EFR3B: variants seen among roughly 807,000 people sequenced by gnomAD.
The protein encoded by EFR3B is protein EFR3 homolog B.
In EFR3B, 64 loss-of-function variants were observed where a neutral mutation model predicts 104.7. The ratio of observed to expected loss-of-function variants is 0.61; its 90% CI spans 0.50 to 0.75. EFR3B has a LOEUF of 0.75. Ranked by LOEUF, EFR3B falls within the 30% of genes least tolerant of loss-of-function variation. The probability of loss-of-function intolerance (pLI) is 0.00; values close to 1 mark genes in which losing one functional copy is unlikely to be tolerated. For missense variants in EFR3B, 750 were observed against 1,078.5 expected, an observed-to-expected ratio of 0.70 and a Z score of 4.27; for synonymous variants, 385 against 417.9, an observed-to-expected ratio of 0.92 and a Z score of 0.96.
chr2:25,074,523 C>A lies in EFR3B; in HGVS notation c.8-16802C>A, dbSNP rs180701353. On this transcript the variant is annotated intron_variant, in intron 1 of 22. Transcript: ENST00000403714. Reference sequence around the variant, plus strand: ...GAGGTTGCAGTGAGCCAAGTTTGCGCCACTGCACTCCAGTCTGAGTGACAG... The same window carrying A: ...GAGGTTGCAGTGAGCCAAGTTTGCGACACTGCACTCCAGTCTGAGTGACAG... Among the ~76,000 whole-genome samples, 285 of 151,340 alleles carry A rather than the reference C, an allele frequency of 1.9e-3. 1 individual carries two copies. Among genetic ancestry groups the A allele is most frequent in the African/African-American group, 6.4e-3 (265 of 41,302 alleles).
intron 18 of EFR3B, 28 bp from the exon 19 acceptor site, chr2:25,144,932 T>TAA: frequency 6.5e-7 from 1 of 1,547,924 alleles, no homozygotes; most frequent in South Asian, 1.2e-5. Flanking sequence ...GGCTGGGAAC[T>TAA]AAAGCCTCTG....
intron 4 of EFR3B, among the ~76,000 whole-genome samples, chr2:25,113,199 C>A (rs1669768638): frequency 6.6e-6 from 1 of 152,082 alleles, no homozygotes; most frequent in Admixed American, 6.6e-5. Context: ...GCTATGGCGA[C>A]TTTCCTCATC....
intron 1 of EFR3B, chr2:25,057,916 A>T (rs953294823): frequency 6.6e-6 from 1 of 152,212 alleles, no homozygotes; most frequent in Non-Finnish European, 1.5e-5. Flanking sequence ...AATATCCTGG[A>T]TAATAGGTTA....
intron 1 of EFR3B, among the ~76,000 whole-genome samples, chr2:25,069,407 G>A (rs544373279): frequency 6.6e-6 from 1 of 152,290 alleles, no homozygotes; most frequent in East Asian, 1.9e-4. Context: ...TACTAATGTA[G>A]GCTAGGCGAC....
At chr2:25,072,258 C>T (rs1194860270) in intron 1 of EFR3B, among the ~76,000 whole-genome samples, 1 of 94,306 alleles carries the variant, frequency 1.1e-5, no homozygotes, top group African/African-American at 4.4e-5. Context: ...CCCCACCACC[C>T]TGGCTCCAGC....
intron 21 of EFR3B, among the ~76,000 whole-genome samples, chr2:25,153,480 G>A (rs1375851639): frequency 6.6e-6 from 1 of 152,190 alleles, no homozygotes; most frequent in Non-Finnish European, 1.5e-5. Flanking sequence ...CCTCCCTGGT[G>A]ATTCTGAGCC....
chr2:25,128,154 C>T (rs993797400), intron 5 of EFR3B, 29 bp from the exon 6 acceptor site: 9 of 1,550,978 alleles, frequency 5.8e-6, no homozygotes, highest in East Asian at 4.9e-5. Flanking sequence ...AGAGGACTTC[C>T]GAGTCCCACT....
rs1441601134 is a variant in EFR3B at position 25,144,866 on chromosome 2, A to G, written c.2051-94A>G. 5 of 1,116,058 alleles carry G rather than the reference A, an allele frequency of 4.5e-6. No homozygotes were observed. The East Asian group carries it at 1.0e-4, about 23-fold the overall frequency. 69.1% of individuals were successfully genotyped at this position (1,116,058 alleles called of 1,614,324 possible). The stretch of plus-strand genomic sequence containing the variant: ...CTGAGCCTTAGAGGACTGTGGACCA[A>G]GCAAAGGCAGAGGGGTAGGGAGGTG... On this transcript the variant is annotated intron_variant, in intron 18 of 22. Transcript: ENST00000403714.
rs543922754 is a variant in EFR3B at position 25,056,073 on chromosome 2, T to A, written c.7+13754T>A. ...CTATACCTACATAGCAGCCGGTGTT[T>A]CCAGGGTATCAATGAGCATGGGCTA... On this transcript the variant is annotated intron_variant, in intron 1 of 22. Transcript: ENST00000403714. Among the ~76,000 whole-genome samples the A allele has an allele frequency of 3.3e-5, 5 of 152,338 alleles. No homozygotes were observed. The East Asian group carries it at 9.6e-4, about 29-fold the overall frequency.
At chr2:25,054,908 T>G (rs1172874447) in intron 1 of EFR3B, among the ~76,000 whole-genome samples, 1 of 152,210 alleles carries the variant, frequency 6.6e-6, no homozygotes, top group African/African-American at 2.4e-5. Context: ...CTCTCATCTC[T>G]GCACTGGAAA....
rs549064830 is a variant in EFR3B at position 25,054,040 on chromosome 2, T to A, written c.7+11721T>A. Among the ~76,000 whole-genome samples, 18 of 152,318 alleles carry A rather than the reference T, an allele frequency of 1.2e-4. No individual in the cohort carries two copies. The East Asian group carries it at 3.5e-3, about 29-fold the overall frequency. On this transcript the variant is annotated intron_variant, in intron 1 of 22. Coordinates refer to ENST00000403714, the MANE Select transcript of EFR3B (RefSeq NM_014971.2). ...TGGTGCAGGCCCAGTCCTGCGCAGATCCCTTATCCCTAGACAGCAAAGCTG... is the reference window on the plus strand; with the variant it reads ...TGGTGCAGGCCCAGTCCTGCGCAGAACCCTTATCCCTAGACAGCAAAGCTG...
chr2:25,054,069 A>G (rs905426319), intron 1 of EFR3B, among the ~76,000 whole-genome samples: 7 of 152,346 alleles, frequency 4.6e-5, no homozygotes, highest in African/African-American at 1.7e-4. Flanking sequence ...AAAGCTGTGC[A>G]GTCCATGGGT....
At chr2:25,060,686 C>T (rs574630922) in intron 1 of EFR3B, among the ~76,000 whole-genome samples, 56 of 151,708 alleles carry the variant, frequency 3.7e-4, no homozygotes, top group Admixed American at 1.3e-3. Context: ...TTTGGGAGGC[C>T]GAGGTGGGTG....
chr2:25,064,597 T>C (rs1668281613), intron 1 of EFR3B, among the ~76,000 whole-genome samples: 1 of 152,178 alleles, frequency 6.6e-6, no homozygotes, highest in Non-Finnish European at 1.5e-5. Flanking sequence ...TTTGAGAGTA[T>C]GAGTTATTTA....
intron 1 of EFR3B, among the ~76,000 whole-genome samples, chr2:25,044,287 A>T (rs1274762156): frequency 1.3e-5 from 2 of 152,094 alleles, no homozygotes; most frequent in Admixed American, 6.5e-5. Flanking sequence ...TGATCTTAGG[A>T]GGTGTGGGAG....
chr2:25,089,213 C>A (rs1669045050), intron 1 of EFR3B, among the ~76,000 whole-genome samples: 1 of 151,944 alleles, frequency 6.6e-6, no homozygotes, highest in African/African-American at 2.4e-5. Flanking sequence ...CTCAGGGAAC[C>A]CTCTCCAGCC....
Position 25,130,888 on chromosome 2 carries a change from C to G in EFR3B, c.849+258C>G, listed in dbSNP as rs1470612644. Among the ~76,000 whole-genome samples, 1 of 152,204 alleles carries G rather than the reference C, an allele frequency of 6.6e-6. No homozygotes were observed. The highest frequency in any genetic ancestry group is 1.5e-5 in the Non-Finnish European group (1 of 68,030). ...TTAAATAAAAAACTCATGCAAAATG[C>G]AAGCCTACAGATCACACCCTTGGCT... is the stretch of plus-strand genomic sequence containing the variant. On this transcript the variant is annotated intron_variant, in intron 8 of 22. Coordinates refer to ENST00000403714, the MANE Select transcript of EFR3B (RefSeq NM_014971.2). This position sits in a 1 kb window ranked among gnomAD's most constrained non-coding sequence, Gnocchi z 4.6.
chr2:25,153,363 A>G (rs1225589305), intron 21 of EFR3B, among the ~76,000 whole-genome samples: 7 of 152,036 alleles, frequency 4.6e-5, no homozygotes, highest in African/African-American at 9.7e-5. Context: ...CAATTAAAAA[A>G]AAGAAAAGAA....
rs1558577812 is a variant in EFR3B at position 25,042,491 on chromosome 2, A to G, written c.7+172A>G. 3.3e-6 allele frequency: 4 copies of G among 1,205,286 alleles called. No individual in the cohort carries two copies. The highest frequency in any genetic ancestry group is 4.1e-6 in the Non-Finnish European group (4 of 971,120). 74.7% of individuals were successfully genotyped at this position (1,205,286 alleles called of 1,614,324 possible). ...CGCGCGCGTCTGCGCTGCGAGGACAAAGATGCCTCGGGCCGGGGACCCTGG... is the reference window on the plus strand; with the variant it reads ...CGCGCGCGTCTGCGCTGCGAGGACAGAGATGCCTCGGGCCGGGGACCCTGG... On this transcript the variant is annotated intron_variant, in intron 1 of 22. Transcript: ENST00000403714. The surrounding 1 kb of genome is among the most constrained non-coding windows in gnomAD (Gnocchi z 5.4).
Sources: allele counts gnomAD v4.1 joint callset (sites outside exome capture counted in the v4.1 genomes callset), GRCh38; gene constraint gnomAD v4.1.1; non-coding constraint Gnocchi (gnomAD v3.1); transcripts MANE v1.5; gene names NCBI Gene and HGNC (gene_info 2026-07-23, HGNC 2026-07-21).